PEX5L: variants seen among roughly 807,000 people sequenced by gnomAD.
PEX5L encodes the protein peroxisomal biogenesis factor 5 like.
A neutral mutation model predicts 84.0 loss-of-function variants in PEX5L; 30 were observed. That is an observed-to-expected ratio of 0.36 (90% CI 0.27 to 0.48). The LOEUF (loss-of-function observed/expected upper bound fraction) is 0.48, where lower values mean the gene tolerates loss of function less well. PEX5L is among the 20% of genes least tolerant of loss of function. The pLI, the probability that PEX5L is intolerant of heterozygous loss-of-function variation, is 0.99. For missense variants in PEX5L, 533 were observed against 754.6 expected (o/e 0.71, Z 3.44); for synonymous variants, 270 against 283.1 (o/e 0.95, Z 0.46).
In PEX5L at chr3:179,898,206, A is replaced by C; in HGVS notation, c.134T>G (p.Val45Gly). 6.2e-7 allele frequency: 1 copy of C among 1,613,550 alleles called. No homozygotes were observed. The highest frequency in any genetic ancestry group is 8.5e-7 in the Non-Finnish European group (1 of 1,179,588). ...SRAADKAVAM[V>G]MKEIPREESA... is the part of the protein sequence containing the mutation. ...CTCCTCCCTCGGTATCTCCTTCATC[A>C]CCATGGCAACAGCCTTATCTGCCGC... Residue 45 changes from valine (V) to glycine (G), a missense_variant, in exon 3 of 15, where the codon GTG becomes GGG. Around this residue, in one of 8 missense-constraint regions of PEX5L, gnomAD observed 259 missense variants for 301.7 expected, o/e 0.86. Coordinates refer to ENST00000467460, the MANE Select transcript of PEX5L (RefSeq NM_016559.3).
At chr3:180,034,257 G>A (rs943302309) in intron 1 of PEX5L, among the ~76,000 whole-genome samples, 4 of 152,158 alleles carry the variant, frequency 2.6e-5, no homozygotes, top group Admixed American at 2.6e-4. Flanking sequence ...CTTGTTTTAA[G>A]GTATCAGTCA....
At chr3:179,970,992 G>A (rs1784580477) in intron 2 of PEX5L, among the ~76,000 whole-genome samples, 1 of 152,076 alleles carries the variant, frequency 6.6e-6, no homozygotes, top group Non-Finnish European at 1.5e-5. Context: ...CATTGTTTAT[G>A]CTCTATTAAG....
At chr3:179,967,520 G>GA (rs147027387) in intron 2 of PEX5L, among the ~76,000 whole-genome samples, 20 of 152,236 alleles carry the variant, frequency 1.3e-4, no homozygotes, top group African/African-American at 4.6e-4. Context: ...TTGAAAATGA[G>GA]AAAACTGAGC....
intron 14 of PEX5L, among the ~76,000 whole-genome samples, chr3:179,802,550 A>AAAAGAAAAG (rs1553813984): frequency 7.6e-6 from 1 of 131,560 alleles, no homozygotes; most frequent in Non-Finnish European, 1.6e-5. Flanking sequence ...AAAAAAAAAA[A>AAAAGAAAAG]AAAAGAAAAG....
At position 179,819,890 on chromosome 3, in the gene PEX5L, C is replaced by T. The variant is rs373319762; in HGVS notation, c.909G>A (p.Gln303=). The change falls in exon 9 of 15, where the codon CAG becomes CAA. Residue 303 remains glutamine, a synonymous_variant. Transcript: ENST00000467460. ...CACTAGCCGAGATGGTTACTTGGTT[C>T]TGGGCTTCTTGGTTCTCAGATATCC... is the stretch of plus-strand genomic sequence containing the variant. ...RNWISENQEA[Q]NQVTISASEK... 31 of 1,614,076 alleles carry T rather than the reference C, an allele frequency of 1.9e-5. No homozygotes were observed. The highest frequency in any genetic ancestry group is 1.2e-4 in the South Asian group (11 of 91,086).
At chr3:179,894,563 A>G (rs1342866038) in intron 3 of PEX5L, among the ~76,000 whole-genome samples, 1 of 152,158 alleles carries the variant, frequency 6.6e-6, no homozygotes, top group Admixed American at 6.5e-5. Context: ...GGTAGTGCTA[A>G]CAATAAATTA....
chr3:179,804,345 T>C (rs1191317328), intron 14 of PEX5L: 1 of 152,148 alleles, frequency 6.6e-6, no homozygotes, highest in East Asian at 1.9e-4. Context: ...TCATGATTAA[T>C]AAAAAGCCCA....
chr3:179,893,993 G>A (rs1470402563), intron 3 of PEX5L, among the ~76,000 whole-genome samples: 1 of 151,834 alleles, frequency 6.6e-6, no homozygotes, highest in Non-Finnish European at 1.5e-5. Context: ...CAAACCCCTG[G>A]CCTCAAGTGA....
At chr3:179,802,532 C>CAAAAAAA (rs369244711) in intron 14 of PEX5L, among the ~76,000 whole-genome samples, 7 of 73,864 alleles carry the variant, frequency 9.5e-5, no homozygotes, top group East Asian at 4.8e-4. Context: ...GAGACTGTCT[C>CAAAAAAA]AAAAAAAAAA....
chr3:180,016,457 A>C (rs1257628922), intron 1 of PEX5L, among the ~76,000 whole-genome samples: 1 of 152,252 alleles, frequency 6.6e-6, no homozygotes, highest in Non-Finnish European at 1.5e-5. Flanking sequence ...CAGTTCACCT[A>C]TCTCTGCAAC....
At chr3:179,823,793 T>C (rs1422676810) in intron 8 of PEX5L, among the ~76,000 whole-genome samples, 1 of 152,216 alleles carries the variant, frequency 6.6e-6, no homozygotes, top group Non-Finnish European at 1.5e-5. Context: ...TCCTCATTTG[T>C]AAAGTGAGAA....
intron 1 of PEX5L, among the ~76,000 whole-genome samples, chr3:179,998,430 G>A (rs1788094006): frequency 6.6e-6 from 1 of 152,200 alleles, no homozygotes; most frequent in Admixed American, 6.5e-5. Context: ...ATCCAATGGT[G>A]TTTTAGGTGT....
chr3:179,828,663 A>ATGTGTGTG (rs111516926), intron 8 of PEX5L, among the ~76,000 whole-genome samples: 1 of 146,342 alleles, frequency 6.8e-6, no homozygotes, highest in African/African-American at 2.5e-5. Context: ...AACTATGTGT[A>ATGTGTGTG]TGTGTGTGTG....
At chr3:179,847,079 G>A (rs199644213) in intron 8 of PEX5L, among the ~76,000 whole-genome samples, 4,266 of 106,268 alleles carry the variant, frequency 0.04, 207 homozygotes, top group African/African-American at 0.15. Flanking sequence ...GTGTGTGTGT[G>A]TGTATATATA....
chr3:179,824,189 A>G (rs886240523), intron 8 of PEX5L, among the ~76,000 whole-genome samples: 2 of 152,168 alleles, frequency 1.3e-5, no homozygotes, highest in Admixed American at 6.6e-5. Context: ...GTTAACATAG[A>G]GCTACTTTTG....
chr3:179,923,472 C>T (rs1217059347), intron 2 of PEX5L, among the ~76,000 whole-genome samples: 1 of 152,118 alleles, frequency 6.6e-6, no homozygotes, highest in African/African-American at 2.4e-5. Context: ...TCAGCATCAG[C>T]ATCATAGGGG....
intron 2 of PEX5L, 82 bp downstream of exon 2, chr3:179,971,512 G>A (rs1292805168): frequency 6.8e-7 from 1 of 1,461,444 alleles, no homozygotes; most frequent in African/African-American, 1.4e-5. Context: ...ACAGCTGCCA[G>A]AGAAGGGCTG....
chr3:179,887,935 A>G (rs1029110573), intron 3 of PEX5L, 151 bp from the exon 4 acceptor site: 10 of 682,496 alleles, frequency 1.5e-5, no homozygotes, highest in Non-Finnish European at 2.2e-5. Flanking sequence ...CAAGAAAGAA[A>G]AAATATCAAG....
At chr3:180,024,795 C>T (rs544707176) in intron 1 of PEX5L, among the ~76,000 whole-genome samples, 8 of 152,064 alleles carry the variant, frequency 5.3e-5, no homozygotes, top group South Asian at 4.2e-4. Context: ...TGACAGCCTC[C>T]GACAGCAGTT....
Sources: allele counts gnomAD v4.1 joint callset (sites outside exome capture counted in the v4.1 genomes callset), GRCh38; gene constraint gnomAD v4.1.1; regional missense constraint gnomAD v4.1.1; transcripts MANE v1.5; gene names NCBI Gene and HGNC (gene_info 2026-07-23, HGNC 2026-07-21).